The following STK32C variants were observed in gnomAD, a reference collection of about 807,000 sequenced individuals.
STK32C encodes the protein serine/threonine kinase 32C.
In STK32C, 31 loss-of-function variants were observed where a neutral mutation model predicts 56.5. The ratio of observed to expected loss-of-function variants is 0.55; its 90% CI spans 0.41 to 0.74. STK32C has a LOEUF of 0.74. STK32C is among the 30% of genes least tolerant of loss of function. STK32C has a pLI of 0.00. For synonymous variants in STK32C, 309 were observed against 289.4 expected (o/e 1.07, Z -0.69); for missense variants, 544 against 676.9 (o/e 0.80, Z 2.18).
At chr10:132,261,718 T>C (rs905040862) in intron 1 of STK32C, among the ~76,000 whole-genome samples, 3 of 152,082 alleles carry the variant, frequency 2.0e-5, no homozygotes, top group Non-Finnish European at 4.4e-5. Flanking sequence ...TGAGCCAAGA[T>C]TGCACCACTG....
chr10:132,220,992 G>A (rs1159043558), intron 10 of STK32C, among the ~76,000 whole-genome samples: 5 of 152,230 alleles, frequency 3.3e-5, no homozygotes, highest in Admixed American at 6.5e-5. Context: ...ACGCACAGCC[G>A]GCTGTGAAGG....
chr10:132,223,601 C>T (rs950735216), intron 8 of STK32C, among the ~76,000 whole-genome samples: 12 of 152,250 alleles, frequency 7.9e-5, no homozygotes, highest in East Asian at 1.9e-4. Flanking sequence ...GACTGAGCTT[C>T]GTGGGGCTAC....
chr10:132,226,989 C>T (rs766818105), intron 3 of STK32C, 21 bp from the exon 4 acceptor site: 9 of 1,612,354 alleles, frequency 5.6e-6, no homozygotes, highest in East Asian at 4.5e-5. Context: ...CGATGGAAGG[C>T]CTGTTGTGCG....
chr10:132,262,377 G>C (rs2064331582), intron 1 of STK32C, among the ~76,000 whole-genome samples: 1 of 152,070 alleles, frequency 6.6e-6, no homozygotes, highest in Non-Finnish European at 1.5e-5. Flanking sequence ...CACCAGCCTT[G>C]GAAAGAATTT....
At chr10:132,232,360 C>A (rs1376855634) in intron 2 of STK32C, among the ~76,000 whole-genome samples, 3 of 152,190 alleles carry the variant, frequency 2.0e-5, no homozygotes, top group Admixed American at 1.3e-4. Flanking sequence ...GAGAAGAGGG[C>A]GGGTCCGGCA....
At chr10:132,317,967 C>CAAAAAAAAAAAA (rs1223040750) in intron 1 of STK32C, among the ~76,000 whole-genome samples, 14 of 55,584 alleles carry the variant, frequency 2.5e-4, no homozygotes, top group South Asian at 6.9e-4. Flanking sequence ...GACTCTGTCT[C>CAAAAAAAAAAAA]AAAAAAAAAA....
At chr10:132,227,013 C>A (rs1266277069) in intron 3 of STK32C, 45 bp from the exon 4 acceptor site, 4 of 1,600,612 alleles carry the variant, frequency 2.5e-6, no homozygotes, top group Admixed American at 1.7e-5. Flanking sequence ...AGCTGGGGAG[C>A]CAGTCATGGC....
At chr10:132,226,175 G>A (rs923760436) in intron 4 of STK32C, among the ~76,000 whole-genome samples, 3 of 152,198 alleles carry the variant, frequency 2.0e-5, no homozygotes, top group African/African-American at 7.2e-5. Flanking sequence ...AGTGCTCAGT[G>A]ACTGGTGCCT....
rs986437369 is a variant in STK32C at position 132,207,908 on chromosome 10, G to C, written c.*102C>G. The stretch of plus-strand genomic sequence containing the variant: ...GGGGCACTGTGGGCACCGCCAGCCA[G>C]GCTGGGTGGGAACGTGAATGCCAGG... On this transcript the variant is annotated 3_prime_UTR_variant, in exon 12 of 12. Transcript: ENST00000298630. 9 of 1,227,216 alleles carry C rather than the reference G, an allele frequency of 7.3e-6. No homozygotes were observed. Among genetic ancestry groups the C allele is most frequent in the African/African-American group, 1.6e-5 (1 of 64,240 alleles). The allele number at this position is 1,227,216 out of a possible 1,614,324, so 76.0% of individuals were successfully genotyped here.
upstream of STK32C, among the ~76,000 whole-genome samples, chr10:132,311,527 A>C (rs532695859): frequency 6.6e-6 from 1 of 152,302 alleles, no homozygotes; most frequent in East Asian, 1.9e-4. This position sits in a 1 kb window ranked among gnomAD's most constrained non-coding sequence, Gnocchi z 4.4. Context: ...GACAGTATTG[A>C]TTTTAAAGGT....
downstream of STK32C, among the ~76,000 whole-genome samples, chr10:132,323,329 C>T (rs943715687): frequency 2.0e-5 from 3 of 152,192 alleles, no homozygotes; most frequent in Non-Finnish European, 2.9e-5. This position sits in a 1 kb window ranked among gnomAD's most constrained non-coding sequence, Gnocchi z 4.8. Context: ...TTCCTGGTCA[C>T]CCATCCTTGA....
At chr10:132,322,782 C>T (rs986415179), downstream of STK32C, among the ~76,000 whole-genome samples, 3 of 152,172 alleles carry the variant, frequency 2.0e-5, no homozygotes, top group African/African-American at 7.2e-5. Flanking sequence ...GCAGTGGCCA[C>T]TCTGTACTTT....
Position 132,225,511 on chromosome 10 carries a change from C to A in STK32C, c.772+16G>T. ...GAGGAAGCCAGCTCCCATCTGGAAC[C>A]CCAGCTCGGGCTCACCCATGTACGG... On this transcript the variant is annotated intron_variant, in intron 6 of 11. Coordinates refer to ENST00000298630, the MANE Select transcript of STK32C (RefSeq NM_173575.4). 6.2e-7 allele frequency: 1 copy of A among 1,613,734 alleles called. No homozygotes were observed.
rs2062916683 is a variant in STK32C at position 132,227,071 on chromosome 10, A to G, written c.471-103T>C. 3.0e-6 allele frequency: 4 copies of G among 1,327,658 alleles called. No individual in the cohort carries two copies. The Admixed American group carries it at 6.1e-5, about 20-fold the overall frequency. 82.2% of individuals were successfully genotyped at this position (1,327,658 alleles called of 1,614,324 possible). A position where few individuals can be genotyped will look rare whatever the true frequency, so the allele number is the denominator to read the frequency against. ...CCCCTAAGGACCACAGCCCCACCCC[A>G]GCATCAGCCACCAGGCATTCCCAGG... On this transcript the variant is annotated intron_variant, in intron 3 of 11. Coordinates refer to ENST00000298630, the MANE Select transcript of STK32C (RefSeq NM_173575.4).
At chr10:132,311,573 C>T (rs949732769), upstream of STK32C, among the ~76,000 whole-genome samples, 1 of 152,182 alleles carries the variant, frequency 6.6e-6, no homozygotes, top group African/African-American at 2.4e-5. The surrounding 1 kb of genome is among the most constrained non-coding windows in gnomAD (Gnocchi z 4.4). Context: ...AGGAGCACAG[C>T]GACGGAGAAC....
At position 132,263,397 on chromosome 10, in the gene STK32C, C is replaced by T. The variant is rs117985651; in HGVS notation, c.263-17442G>A. On this transcript the variant is annotated intron_variant, in intron 1 of 11. Coordinates refer to ENST00000298630, the MANE Select transcript of STK32C (RefSeq NM_173575.4). ...AGGTGGGAGCTAACCACTGGGCACA[C>T]GTGGACATAAAGACAGGAACAATGG... is the stretch of plus-strand genomic sequence containing the variant. 4.6e-5 allele frequency among the ~76,000 whole-genome samples: 7 copies of T among 152,074 alleles called. No individual in the cohort carries two copies. The South Asian group carries it at 1.0e-3, about 23-fold the overall frequency.
At chr10:132,222,079 G>A (rs1171043724) in intron 10 of STK32C, among the ~76,000 whole-genome samples, 13 of 141,040 alleles carry the variant, frequency 9.2e-5, no homozygotes, top group Non-Finnish European at 1.7e-4. Context: ...GCACCTGGGC[G>A]AGTGTGAGGG....
At chr10:132,252,659 TC>T (rs2063950846) in intron 1 of STK32C, among the ~76,000 whole-genome samples, 1 of 151,998 alleles carries the variant, frequency 6.6e-6, no homozygotes, top group African/African-American at 2.4e-5. Context: ...ACGGAGCGGC[TC>T]GGAGCTCCGG....
chr10:132,222,824 C>G (rs769177793), intron 9 of STK32C, 37 bp downstream of exon 9: 4 of 1,590,966 alleles, frequency 2.5e-6, no homozygotes, highest in Non-Finnish European at 3.4e-6. Context: ...CCACATCCAT[C>G]CCCAGGGCCC....
Sources: gnomAD v4.1 joint callset for allele counts (sites outside exome capture counted in the v4.1 genomes callset) on GRCh38, gnomAD v4.1.1 for gene constraint, Gnocchi (gnomAD v3.1) non-coding constraint, MANE v1.5 for transcripts, NCBI Gene and HGNC (gene_info 2026-07-23, HGNC 2026-07-21) for gene names.